CARS2: variants seen among roughly 807,000 people sequenced by gnomAD.
CARS2 encodes the protein probable cysteine--tRNA ligase, mitochondrial.
A neutral mutation model predicts 68.8 loss-of-function variants in CARS2; 52 were observed. The ratio of observed to expected loss-of-function variants is 0.76; its 90% CI spans 0.61 to 0.95. The LOEUF (loss-of-function observed/expected upper bound fraction) is 0.95, where lower values mean the gene tolerates loss of function less well. CARS2 is among the 40% of genes least tolerant of loss of function. The pLI, the probability that CARS2 is intolerant of heterozygous loss-of-function variation, is 0.00. For synonymous variants in CARS2, 314 were observed against 303.6 expected (o/e 1.03, Z -0.36); for missense variants, 780 against 754.2 (o/e 1.03, Z -0.40).
At chr13:110,646,877 T>G (rs1031229882) in intron 11 of CARS2, 5 of 504,730 alleles carry the variant, frequency 9.9e-6, no homozygotes, top group Non-Finnish European at 1.4e-5. Flanking sequence ...ACACCTCCTG[T>G]CCAGCTCCCA....
chr13:110,700,494 T>A (rs2063753010), intron 3 of CARS2, among the ~76,000 whole-genome samples: 4 of 152,094 alleles, frequency 2.6e-5, no homozygotes, highest in Admixed American at 6.5e-5. Flanking sequence ...AGAGAGAAGA[T>A]GATGGCCCAA....
rs942349715 is a variant in CARS2 at position 110,712,402 on chromosome 13, G to A, written n.399+735C>T. ...CGAACACAGCTCTCGGGGCCACCCC[G>A]GAGGGGACCCGCGGCGGCCGCAGCG... On this transcript the variant is annotated intron_variant and non_coding_transcript_variant, in intron 1 of 2. Transcript: ENST00000485188. 6 of 187,402 alleles carry A rather than the reference G, an allele frequency of 3.2e-5. No individual in the cohort carries two copies. The East Asian group carries it at 7.3e-4, about 23-fold the overall frequency. The allele number at this position is 187,402 out of a possible 1,614,324, so 11.6% of individuals were successfully genotyped here. A position where few individuals can be genotyped will look rare whatever the true frequency, so the allele number is the denominator to read the frequency against.
At chr13:110,706,939 G>A (rs1364218908), upstream of CARS2, among the ~76,000 whole-genome samples, 1 of 149,478 alleles carries the variant, frequency 6.7e-6, no homozygotes, top group Non-Finnish European at 1.5e-5. Flanking sequence ...TACACAGTAT[G>A]CACCCTAGCA....
chr13:110,687,880 C>G, intron 4 of CARS2, 54 bp from the exon 5 acceptor site: 1 of 1,558,354 alleles, frequency 6.4e-7, no homozygotes, highest in Non-Finnish European at 8.8e-7. Flanking sequence ...CACAGGTCAG[C>G]CAGCACCAGC....
Position 110,705,932 on chromosome 13 carries a change from C to T in CARS2, c.162G>A (p.Val54=). ...QPTGRETGVQ[V]YNSLTGRKEP... ...CCTTCCTCCCGGTGAGGCTGTTGTA[C>T]ACCTGCACACCCGTCTCCCGGCCCG... Residue 54 remains valine (V), a synonymous_variant, in exon 1 of 15, where the codon GTG becomes GTA. Transcript: ENST00000257347. The surrounding 1 kb of genome is among the most constrained non-coding windows in gnomAD (Gnocchi z 4.0). The T allele has an allele frequency of 6.4e-7, 1 of 1,570,936 alleles. No individual in the cohort carries two copies. The highest frequency in any genetic ancestry group is 8.6e-7 in the Non-Finnish European group (1 of 1,161,226).
At chr13:110,679,047 AACAG>A (rs1176525287) in intron 6 of CARS2, among the ~76,000 whole-genome samples, 2 of 16,780 alleles carry the variant, frequency 1.2e-4, no homozygotes, top group African/African-American at 2.5e-4. Context: ...CACACATGTG[AACAG>A]ACAGAGGGGT....
rs1038951586 is a variant in CARS2, at chr13:110,653,420, C to T, written c.988-2320G>A. On this transcript the variant is annotated intron_variant, in intron 9 of 14. Transcript: ENST00000257347. The surrounding 1 kb of genome is among the most constrained non-coding windows in gnomAD (Gnocchi z 5.6). ...CCCGAGGTGCTGTGGTTCCAATTAA[C>T]GCACACAGCCATGTCCTGCCGGTTT... Among the ~76,000 whole-genome samples, 6 of 152,182 alleles carry T rather than the reference C, an allele frequency of 3.9e-5. No homozygotes were observed. The highest frequency in any genetic ancestry group is 9.7e-5 in the African/African-American group (4 of 41,434).
intron 3 of CARS2, 62 bp downstream of exon 3, chr13:110,701,376 C>T: frequency 1.2e-6 from 1 of 849,032 alleles, no homozygotes; most frequent in Non-Finnish European, 2.0e-6. Context: ...GAACCACTTT[C>T]AGGAAGGGCT....
intron 10 of CARS2, chr13:110,648,990 C>G (rs1003473949): frequency 6.6e-6 from 1 of 152,236 alleles, no homozygotes; most frequent in Non-Finnish European, 1.5e-5. Context: ...AAGCACGAGC[C>G]GGGAAGAGAG....
chr13:110,677,029 A>G lies in CARS2; in HGVS notation c.730T>C (p.Ser244Pro). 6.2e-7 allele frequency: 1 copy of G among 1,606,306 alleles called. No homozygotes were observed. The highest frequency in any genetic ancestry group is 8.5e-7 in the Non-Finnish European group (1 of 1,174,206). ...CCCGGCCTCCCGGGTCCCCAGGGAG[A>G]GGCCCAGAACACCTCCTGGGGTTTG... Reference protein sequence around the residue: ...AAKPQEVFWASPWGPGRPGWH... With the variant: ...AAKPQEVFWAPPWGPGRPGWH... Residue 244 changes from serine to proline, a missense_variant, in exon 7 of 15, where the codon TCT (serine) becomes CCT (proline). Ser to Pro is a moderately conservative substitution (Grantham distance 74). Coordinates refer to ENST00000257347, the MANE Select transcript of CARS2 (RefSeq NM_024537.4).
At chr13:110,644,125 G>A (rs2139673444) in intron 13 of CARS2, 2 of 1,383,504 alleles carry the variant, frequency 1.4e-6, no homozygotes, top group Middle Eastern at 1.9e-4. Context: ...TGCAGAGCTG[G>A]CGACATTCTG....
chr13:110,664,333 C>A (rs1439936646), intron 8 of CARS2: 2 of 383,440 alleles, frequency 5.2e-6, no homozygotes, highest in African/African-American at 4.4e-5. Context: ...CATGGCAACA[C>A]CCGGTCTCTA....
chr13:110,646,962 C>T, intron 11 of CARS2, 139 bp downstream of exon 11: 1 of 1,074,096 alleles, frequency 9.3e-7, no homozygotes, highest in African/African-American at 1.6e-5. Flanking sequence ...CCTGGGGCCT[C>T]TCTGGGCAGT....
At chr13:110,641,853 T>C (rs1181285341) in intron 14 of CARS2, among the ~76,000 whole-genome samples, 1 of 152,108 alleles carries the variant, frequency 6.6e-6, no homozygotes, top group Non-Finnish European at 1.5e-5. Context: ...GCAGCCAACT[T>C]GGCCCCTCCC....
chr13:110,660,919 G>A (rs540009564), intron 9 of CARS2, among the ~76,000 whole-genome samples: 182 of 152,024 alleles, frequency 1.2e-3, no homozygotes, highest in Non-Finnish European at 1.4e-3. Flanking sequence ...CCACCACCAC[G>A]CCCAGCTAAT....
At chr13:110,713,286 C>G in exon 1 of CARS2, 12 of 1,278,216 alleles carry the variant, frequency 9.4e-6, no homozygotes, top group Non-Finnish European at 9.9e-6. Context: ...GAGCGAGTTG[C>G]GGTAGTTGCT....
intron 6 of CARS2, among the ~76,000 whole-genome samples, chr13:110,679,664 G>GAGGC (rs2063098174): frequency 2.4e-5 from 3 of 124,618 alleles, no homozygotes; most frequent in Admixed American, 7.9e-5. Flanking sequence ...GGGAGGGAGG[G>GAGGC]AGGGAGGGAG....
At chr13:110,677,704 C>T (rs1319092968) in intron 6 of CARS2, among the ~76,000 whole-genome samples, 2 of 60,094 alleles carry the variant, frequency 3.3e-5, no homozygotes, top group Admixed American at 1.3e-4. Flanking sequence ...CACCCCGCCA[C>T]GGAAACCCAG....
rs541670077 is a variant in CARS2 at position 110,682,837 on chromosome 13, C to T, written c.655+214G>A. On this transcript the variant is annotated intron_variant, in intron 6 of 14. Coordinates refer to ENST00000257347, the MANE Select transcript of CARS2 (RefSeq NM_024537.4). Reference sequence around the variant, plus strand: ...GGAATGGAGCCAGGCACGCTGGGGGCGGGGGTGGACGATGCCCCACTTGCC... The same window carrying T: ...GGAATGGAGCCAGGCACGCTGGGGGTGGGGGTGGACGATGCCCCACTTGCC... 4.6e-5 allele frequency among the ~76,000 whole-genome samples: 7 copies of T among 152,230 alleles called. No homozygotes were observed. The East Asian group carries it at 9.7e-4, about 21-fold the overall frequency.
Sources: gnomAD v4.1 joint callset for allele counts (sites outside exome capture counted in the v4.1 genomes callset) on GRCh38, gnomAD v4.1.1 for gene constraint, Gnocchi (gnomAD v3.1) non-coding constraint, MANE v1.5 for transcripts, NCBI Gene and HGNC (gene_info 2026-07-23, HGNC 2026-07-21) for gene names.